The following RHOF variants were observed in gnomAD, a reference collection of about 807,000 sequenced individuals.
The protein encoded by RHOF is ras homolog family member F, filopodia associated, also known as rho-related GTP-binding protein RhoF.
A neutral mutation model predicts 22.2 loss-of-function variants in RHOF; 21 were observed. That is an observed-to-expected ratio of 0.95 (90% CI 0.67 to 1.36). RHOF has a LOEUF of 1.36. RHOF is among the 40% of genes most tolerant of loss of function. The probability of loss-of-function intolerance (pLI) is 0.00; values close to 1 mark genes in which losing one functional copy is unlikely to be tolerated. For synonymous variants in RHOF, 135 were observed against 131.2 expected (o/e 1.03, Z -0.20); for missense variants, 285 against 293.7 (o/e 0.97, Z 0.22).
intron 2 of RHOF, among the ~76,000 whole-genome samples, chr12:121,792,188 T>C (rs551688272): frequency 6.8e-6 from 1 of 146,074 alleles, no homozygotes; most frequent in East Asian, 2.2e-4. Flanking sequence ...GGCTCCATCC[T>C]AGGTCAGTGT....
In RHOF at chr12:121,779,592, A is replaced by G. The variant is rs780440803; in HGVS notation, c.542T>C (p.Val181Ala). ...LECSAKFREN[V>A]EDVFREAAKV... ...GGCGGCCTCCCGGAAGACGTCCTCC[A>G]CATTCTCCCGAAACTTGGCGGAACA... Residue 181 changes from valine (V) to alanine (A), a missense_variant, in exon 5 of 5, where the codon GTG becomes GCG. Val to Ala is a moderately conservative substitution (Grantham distance 64). Transcript: ENST00000267205. 1.2e-6 allele frequency: 2 copies of G among 1,614,204 alleles called. No individual in the cohort carries two copies. Among genetic ancestry groups the G allele is most frequent in the Non-Finnish European group, 1.7e-6 (2 of 1,180,026 alleles).
intron 2 of RHOF, among the ~76,000 whole-genome samples, chr12:121,785,731 C>T (rs1385307619): frequency 6.6e-6 from 1 of 152,080 alleles, no homozygotes; most frequent in East Asian, 1.9e-4. Flanking sequence ...CTGCCTCAGC[C>T]TCCTGAGTAG....
chr12:121,793,402 C>G, intron 1 of RHOF, 94 bp downstream of exon 1: 1 of 1,497,028 alleles, frequency 6.7e-7, no homozygotes, highest in Non-Finnish European at 9.0e-7. Flanking sequence ...GGCCGCCTGT[C>G]CGTGCTCGGG....
intron 1 of RHOF, 97 bp downstream of exon 1, chr12:121,793,399 T>C: frequency 6.7e-7 from 1 of 1,489,874 alleles, no homozygotes; most frequent in Non-Finnish European, 9.0e-7. Context: ...GGCGGCCGCC[T>C]GTCCGTGCTC....
At chr12:121,782,887 C>CGG (rs1197398845) in intron 2 of RHOF, 1 of 152,138 alleles carries the variant, frequency 6.6e-6, no homozygotes, top group Non-Finnish European at 1.5e-5. Context: ...ATCTACCTCA[C>CGG]GGGGCTGTCA....
Position 121,777,767 on chromosome 12 carries a change from A to G in RHOF, c.*1731T>C, listed in dbSNP as rs1254080069. The G allele has an allele frequency of 2.0e-5, 3 of 152,358 alleles. No individual in the cohort carries two copies. The highest frequency in any genetic ancestry group is 6.5e-5 in the Admixed American group (1 of 15,302). The allele number at this position is 152,358 out of a possible 1,614,324, so 9.4% of individuals were successfully genotyped here. A position where few individuals can be genotyped will look rare whatever the true frequency, so the allele number is the denominator to read the frequency against. On this transcript the variant is annotated 3_prime_UTR_variant, in exon 5 of 5. Transcript: ENST00000267205. ...AAGGAATGGGTGTTGCTGTGTTCCA[A>G]TAAAACTTTATTTACAAATCAGGCT...
At chr12:121,792,043 C>T (rs1471514422) in intron 2 of RHOF, among the ~76,000 whole-genome samples, 1 of 152,254 alleles carries the variant, frequency 6.6e-6, no homozygotes, top group Non-Finnish European at 1.5e-5. Context: ...ACAGGGCCCA[C>T]ATCCCACAAA....
rs551508859 is a variant in RHOF at position 121,790,662 on chromosome 12, T to C, written c.226+2490A>G. 2.0e-5 allele frequency among the ~76,000 whole-genome samples: 3 copies of C among 152,290 alleles called. 1 individual carries two copies. Among genetic ancestry groups the C allele is most frequent in the African/African-American group, 7.2e-5 (3 of 41,568 alleles). ...AGGGAGCAGCCAGATCTCTTCTCCC[T>C]GGGTGCCCCTCCTTGGGGTCTGTCA... On this transcript the variant is annotated intron_variant, in intron 2 of 4. Coordinates refer to ENST00000267205, the MANE Select transcript of RHOF (RefSeq NM_019034.3).
At chr12:121,786,602 C>T (rs77919976) in intron 2 of RHOF, among the ~76,000 whole-genome samples, 2,112 of 152,280 alleles carry the variant, frequency 0.014, 60 homozygotes, top group African/African-American at 0.046. Context: ...CAGTGTGGCT[C>T]CTTCCCTCCT....
chr12:121,789,391 C>A (rs921551325), intron 2 of RHOF, among the ~76,000 whole-genome samples: 2 of 152,104 alleles, frequency 1.3e-5, no homozygotes, highest in Admixed American at 6.5e-5. Context: ...AGGCTCATGC[C>A]GCACACAGGG....
intron 2 of RHOF, among the ~76,000 whole-genome samples, chr12:121,791,013 A>G (rs529545594): frequency 3.5e-4 from 53 of 151,846 alleles, no homozygotes; most frequent in African/African-American, 1.2e-3. Context: ...AGCTGGGACT[A>G]TAGGTATGTG....
chr12:121,785,391 G>A (rs1334396868), intron 2 of RHOF, among the ~76,000 whole-genome samples: 1 of 151,464 alleles, frequency 6.6e-6, no homozygotes, highest in African/African-American at 2.4e-5. Context: ...GGGCCCCCTT[G>A]GACGTCTTCT....
rs1432530021 is a variant in RHOF, at chr12:121,779,675, A to G, written c.472-13T>C. 1 of 1,613,132 alleles carries G rather than the reference A, an allele frequency of 6.2e-7. No individual in the cohort carries two copies. The highest frequency in any genetic ancestry group is 1.1e-5 in the South Asian group (1 of 91,076). ...AGGCGCTCAGGCCCTGGGTGGGGGG[A>G]GGAGCCAGCATTAGGTGAGGGGCCC... On this transcript the variant is annotated splice_polypyrimidine_tract_variant and intron_variant, in intron 4 of 4. Coordinates refer to ENST00000267205, the MANE Select transcript of RHOF (RefSeq NM_019034.3).
chr12:121,783,308 T>C, intron 2 of RHOF, among the ~76,000 whole-genome samples: 13 of 135,152 alleles, frequency 9.6e-5, no homozygotes, highest in African/African-American at 2.6e-4. Context: ...CTTCAATGGC[T>C]CCCTATTGCC....
intron 2 of RHOF, among the ~76,000 whole-genome samples, chr12:121,788,675 T>C (rs1365635394): frequency 6.6e-6 from 1 of 152,136 alleles, no homozygotes; most frequent in Non-Finnish European, 1.5e-5. Context: ...CATTTCCCTC[T>C]CTGGGTGTCA....
rs770864950 is a variant in RHOF, at chr12:121,781,131, G to A, written c.288C>T (p.Ile96=). 3.7e-6 allele frequency: 6 copies of A among 1,614,254 alleles called. No individual in the cohort carries two copies. The highest frequency in any genetic ancestry group is 5.1e-6 in the Non-Finnish European group (6 of 1,180,046). The change falls in exon 3 of 5, where the codon ATC becomes ATT. Residue 96 remains isoleucine, a synonymous_variant. Transcript: ENST00000267205. ...TGGTGGGATTCATGACGTCATAGCA[G>A]ATGAGCACGAGGTGGGTGTTCTGGT... ...LSYQNTHLVL[I]CYDVMNPTSY... is the part of the protein sequence containing the mutation.
chr12:121,787,833 T>C (rs1281165416), intron 2 of RHOF, among the ~76,000 whole-genome samples: 1 of 131,296 alleles, frequency 7.6e-6, no homozygotes, highest in Non-Finnish European at 1.5e-5. Context: ...GCTGGGGAGG[T>C]GGAGCAGAGA....
chr12:121,793,512 T>C lies in RHOF; in HGVS notation c.122A>G (p.Gln41Arg). The C allele has an allele frequency of 1.3e-6, 2 of 1,543,120 alleles. No homozygotes were observed. The highest frequency in any genetic ancestry group is 8.7e-7 in the Non-Finnish European group (1 of 1,146,840). The change falls in exon 1 of 5, where the codon CAG becomes CGG. Residue 41 changes from glutamine to arginine, a missense_variant. Transcript: ENST00000267205. ...GGGCCTCACCTCGGGGAAGGAGCCC[T>C]GGCTGTACACCATGAGCAGCGAGGT... is the stretch of plus-strand genomic sequence containing the variant. ...GKTSLLMVYS[Q>R]GSFPEHYAPS... is the part of the protein sequence containing the mutation.
In RHOF at chr12:121,778,014, G is replaced by C. The variant is rs1278733568; in HGVS notation, c.*1484C>G. On this transcript the variant is annotated 3_prime_UTR_variant, in exon 5 of 5. Coordinates refer to ENST00000267205, the MANE Select transcript of RHOF (RefSeq NM_019034.3). ...AGCTGACGCCCCAGCACTGGGCCAG[G>C]GGGGCTGAGGCAGGAGATATGGGGA... 6.6e-6 allele frequency: 1 copy of C among 152,214 alleles called. No individual in the cohort carries two copies. The highest frequency in any genetic ancestry group is 1.5e-5 in the Non-Finnish European group (1 of 68,056). The allele number at this position is 152,214 out of a possible 1,614,324, so 9.4% of individuals were successfully genotyped here. A position where few individuals can be genotyped will look rare whatever the true frequency, so the allele number is the denominator to read the frequency against.
Sources: allele counts gnomAD v4.1 joint callset (sites outside exome capture counted in the v4.1 genomes callset), GRCh38; gene constraint gnomAD v4.1.1; transcripts MANE v1.5; gene names NCBI Gene and HGNC (gene_info 2026-07-23, HGNC 2026-07-21).